EXOC6B: variants seen among roughly 807,000 people sequenced by gnomAD.
EXOC6B encodes the protein SEC15 homolog B.
A neutral mutation model predicts 113.5 loss-of-function variants in EXOC6B; 54 were observed. The ratio of observed to expected loss-of-function variants is 0.48; its 90% CI spans 0.38 to 0.60. The LOEUF (loss-of-function observed/expected upper bound fraction) is 0.60, where lower values mean the gene tolerates loss of function less well. EXOC6B is among the 20% of genes least tolerant of loss of function. The pLI is 0.00. For missense variants in EXOC6B, 797 were observed against 977.5 expected (o/e 0.82, Z 2.46); for synonymous variants, 357 against 339.0 (o/e 1.05, Z -0.58).
intron 6 of EXOC6B, among the ~76,000 whole-genome samples, chr2:72,696,590 T>A (rs1024990410): frequency 5.3e-5 from 8 of 152,322 alleles, no homozygotes; most frequent in African/African-American, 1.9e-4. Context: ...GAGACTGGGT[T>A]TGAAGAGGCA....
At chr2:72,632,002 C>T (rs1446994646) in intron 6 of EXOC6B, among the ~76,000 whole-genome samples, 5 of 151,954 alleles carry the variant, frequency 3.3e-5, no homozygotes, top group Admixed American at 6.6e-5. Flanking sequence ...CACATACAAA[C>T]CATTTTTTAA....
chr2:72,760,981 A>G (rs1354635513), intron 1 of EXOC6B, among the ~76,000 whole-genome samples: 1 of 152,152 alleles, frequency 6.6e-6, no homozygotes. Flanking sequence ...GGACTTCAGG[A>G]CCAGCCTGGC....
intron 8 of EXOC6B, among the ~76,000 whole-genome samples, chr2:72,536,171 C>G (rs1437384105): frequency 2.0e-5 from 3 of 152,122 alleles, no homozygotes; most frequent in Non-Finnish European, 4.4e-5. Flanking sequence ...TGTCCCATTT[C>G]CAATCCCATT....
At chr2:72,272,661 A>G (rs1387041451) in intron 20 of EXOC6B, among the ~76,000 whole-genome samples, 1 of 152,150 alleles carries the variant, frequency 6.6e-6, no homozygotes, top group Non-Finnish European at 1.5e-5. Flanking sequence ...ACTAAGCCTT[A>G]GTAACAGGAA....
At chr2:72,507,260 C>T (rs991256596) in intron 11 of EXOC6B, among the ~76,000 whole-genome samples, 1 of 152,000 alleles carries the variant, frequency 6.6e-6, no homozygotes, top group Non-Finnish European at 1.5e-5. Context: ...CTGGGTACTA[C>T]TAATAAAATA....
At chr2:72,249,453 C>G (rs1285733932) in intron 20 of EXOC6B, among the ~76,000 whole-genome samples, 1 of 151,622 alleles carries the variant, frequency 6.6e-6, no homozygotes, top group Non-Finnish European at 1.5e-5. Flanking sequence ...GACGGGGTTT[C>G]ACCGTGTTAG....
At chr2:72,502,481 G>A (rs1700377454) in intron 11 of EXOC6B, among the ~76,000 whole-genome samples, 1 of 152,156 alleles carries the variant, frequency 6.6e-6, no homozygotes, top group Non-Finnish European at 1.5e-5. Context: ...CCGGGAGGCA[G>A]AGGTTGCAGT....
intron 6 of EXOC6B, among the ~76,000 whole-genome samples, chr2:72,657,327 G>A (rs1457075763): frequency 2.0e-5 from 3 of 146,460 alleles, no homozygotes; most frequent in Non-Finnish European, 4.5e-5. Context: ...TCAGGTTCAA[G>A]CAATTCTCTT....
At chr2:72,248,540 A>C (rs1682810254) in intron 20 of EXOC6B, among the ~76,000 whole-genome samples, 1 of 152,180 alleles carries the variant, frequency 6.6e-6, no homozygotes, top group South Asian at 2.1e-4. Context: ...AAAGTTTTCC[A>C]CCAAGACATC....
At chr2:72,338,964 T>TACACAC (rs1369428147) in intron 19 of EXOC6B, among the ~76,000 whole-genome samples, 4 of 114,450 alleles carry the variant, frequency 3.5e-5, no homozygotes, top group African/African-American at 1.5e-4. Flanking sequence ...CACATACACA[T>TACACAC]ACATACACAT....
chr2:72,478,215 T>C (rs1217588541), intron 17 of EXOC6B, among the ~76,000 whole-genome samples: 2 of 152,216 alleles, frequency 1.3e-5, no homozygotes, highest in Non-Finnish European at 2.9e-5. Context: ...TGGAGTAAAT[T>C]AATAAACACT....
At chr2:72,611,696 G>T (rs976076156) in intron 6 of EXOC6B, among the ~76,000 whole-genome samples, 3 of 151,790 alleles carry the variant, frequency 2.0e-5, no homozygotes, top group African/African-American at 7.3e-5. Context: ...CCAAATCATA[G>T]TTGCATAAAT....
chr2:72,516,207 A>G (rs1701204540), intron 8 of EXOC6B, among the ~76,000 whole-genome samples: 1 of 152,062 alleles, frequency 6.6e-6, no homozygotes, highest in Non-Finnish European at 1.5e-5. Context: ...GTGTGTTTAG[A>G]TTATCACACC....
At chr2:72,213,031 A>G (rs763301064) in intron 20 of EXOC6B, among the ~76,000 whole-genome samples, 3 of 132,798 alleles carry the variant, frequency 2.3e-5, no homozygotes, top group Non-Finnish European at 5.2e-5. Context: ...GTGATGCTAT[A>G]GACCTTCTGA....
intron 19 of EXOC6B, among the ~76,000 whole-genome samples, chr2:72,339,663 A>C (rs1329803142): frequency 1.3e-5 from 2 of 152,186 alleles, no homozygotes; most frequent in Non-Finnish European, 2.9e-5. Flanking sequence ...ACAGAATCAA[A>C]GCTGGTATCA....
intron 18 of EXOC6B, among the ~76,000 whole-genome samples, chr2:72,422,012 C>T (rs973134130): frequency 6.6e-6 from 1 of 152,216 alleles, no homozygotes; most frequent in African/African-American, 2.4e-5. Context: ...CCAGCAGTGC[C>T]AGCCCACCGG....
At chr2:72,456,330 TG>T (rs1477482771) in intron 18 of EXOC6B, among the ~76,000 whole-genome samples, 9 of 152,282 alleles carry the variant, frequency 5.9e-5, no homozygotes, top group Admixed American at 2.6e-4. Flanking sequence ...TATAATTAAA[TG>T]GTTACTTTTA....
chr2:72,726,052 A>G (rs1293117487), intron 5 of EXOC6B, among the ~76,000 whole-genome samples: 1 of 152,232 alleles, frequency 6.6e-6, no homozygotes, highest in Non-Finnish European at 1.5e-5. Flanking sequence ...CATAAAAAGG[A>G]ATGAAACAGT....
chr2:72,335,808 A>G (rs750398647), intron 19 of EXOC6B, among the ~76,000 whole-genome samples: 15 of 151,974 alleles, frequency 9.9e-5, no homozygotes, highest in Non-Finnish European at 7.4e-5. Flanking sequence ...CCCCAATTCA[A>G]TCTTAGCCTG....
Sources: gnomAD v4.1 joint callset for allele counts (sites outside exome capture counted in the v4.1 genomes callset) on GRCh38, gnomAD v4.1.1 for gene constraint, MANE v1.5 for transcripts, NCBI Gene and HGNC (gene_info 2026-07-23, HGNC 2026-07-21) for gene names.